The following CYLD variants were observed in gnomAD, a reference collection of about 807,000 sequenced individuals.
The protein encoded by CYLD is ubiquitin carboxyl-terminal hydrolase CYLD.
CYLD carries 26 observed loss-of-function variants against 104.5 expected under a neutral mutation model. The observed-to-expected ratio is 0.25, with a 90% CI of 0.18 to 0.35. The LOEUF (loss-of-function observed/expected upper bound fraction) is 0.35. Ranked by LOEUF, CYLD falls within the 10% of genes least tolerant of loss-of-function variation. The probability of loss-of-function intolerance (pLI) is 1.00; values close to 1 mark genes in which losing one functional copy is unlikely to be tolerated. For synonymous variants in CYLD, 385 were observed against 399.9 expected (o/e 0.96, Z 0.45); for missense variants, 703 against 1,136.1 (o/e 0.62, Z 5.48).
At chr16:50,754,532 A>C in intron 5 of CYLD, 108 bp downstream of exon 5, 1 of 765,024 alleles carries the variant, frequency 1.3e-6, no homozygotes. Flanking sequence ...GGTTACATGG[A>C]TAAGTTCTTT....
intron 3 of CYLD, among the ~76,000 whole-genome samples, chr16:50,750,431 G>A (rs542203945): frequency 6.6e-6 from 1 of 152,198 alleles, no homozygotes; most frequent in African/African-American, 2.4e-5. Context: ...AATCACCTTG[G>A]CGTTTATTTC....
In CYLD at chr16:50,794,501, G is replaced by T. The variant is rs768110483; in HGVS notation, c.2686+73G>T. The T allele has an allele frequency of 1.0e-5, 14 of 1,357,030 alleles. No homozygotes were observed. Among genetic ancestry groups the T allele is most frequent in the Non-Finnish European group, 1.5e-5 (14 of 948,762 alleles). The allele number at this position is 1,357,030 out of a possible 1,614,324, so 84.1% of individuals were successfully genotyped here. ...TAGTGGGACAGTTTGTAGTGGGATC[G>T]CCTGTTCTGAGTGATATTTTCTGAG... On this transcript the variant is annotated intron_variant, in intron 18 of 18. Coordinates refer to ENST00000427738, the MANE Select transcript of CYLD (RefSeq NM_001378743.1). The surrounding 1 kb of genome is among the most constrained non-coding windows in gnomAD (Gnocchi z 4.1).
At position 50,777,903 on chromosome 16, in the gene CYLD, C is replaced by T; in HGVS notation, c.1100C>T (p.Pro367Leu). Residue 367 changes from proline (P) to leucine (L), a missense_variant, in exon 8 of 19, where the codon CCA becomes CTA. Physicochemically the swap from Pro to Leu is moderately conservative, Grantham distance 98. Coordinates refer to ENST00000427738, the MANE Select transcript of CYLD (RefSeq NM_001378743.1). ...TLNGSSVDSQ[P>L]QSKSKNTWYI... ...AATGGGTCTTCTGTTGACTCACAACCACAATCCAAATCAAAAAATACATGG... is the reference window on the plus strand; with the variant it reads ...AATGGGTCTTCTGTTGACTCACAACTACAATCCAAATCAAAAAATACATGG... 6.2e-7 allele frequency: 1 copy of T among 1,603,338 alleles called. No individual in the cohort carries two copies. The highest frequency in any genetic ancestry group is 8.5e-7 in the Non-Finnish European group (1 of 1,170,710).
At position 50,800,247 on chromosome 16, in the gene CYLD, C is replaced by G. The variant is rs16948836; in HGVS notation, c.*3739C>G. ...GCCATGCCTGCTGAATCCGACTGTT[C>G]AGGAAGAGGCCTAGGAAATCTGTGA... On this transcript the variant is annotated 3_prime_UTR_variant, in exon 19 of 19. Transcript: ENST00000427738. 9.0e-3 allele frequency: 2,088 copies of G among 233,224 alleles called. 48 individuals are homozygous for G. The highest frequency in any genetic ancestry group is 0.043 in the African/African-American group (1,944 of 45,432). 14.4% of individuals were successfully genotyped at this position (233,224 alleles called of 1,614,324 possible).
chr16:50,755,280 T>C (rs944554650), intron 5 of CYLD, among the ~76,000 whole-genome samples: 7 of 151,884 alleles, frequency 4.6e-5, no homozygotes, highest in Non-Finnish European at 7.4e-5. Context: ...GACTTGTTCA[T>C]TGATGGGCAT....
intron 5 of CYLD, among the ~76,000 whole-genome samples, chr16:50,769,226 A>G (rs1033422571): frequency 3.9e-5 from 6 of 152,176 alleles, no homozygotes; most frequent in Non-Finnish European, 7.3e-5. Flanking sequence ...TGGTAATATC[A>G]TAGGTGACTG....
rs1420661337 is a variant in CYLD, at chr16:50,776,186, G to T, written c.930G>T (p.Val310=). The T allele has an allele frequency of 6.2e-7, 1 of 1,610,936 alleles. No homozygotes were observed. The highest frequency in any genetic ancestry group is 8.5e-7 in the Non-Finnish European group (1 of 1,177,418). The part of the protein sequence containing the change: ...NDIIPALSES[V]TQERRPPKLA... The stretch of plus-strand genomic sequence containing the variant: ...ACATGCTTACTGTTTCAGAGAGTGT[G>T]ACGCAGGAAAGGAGGCCTCCCAAAC... The change falls in exon 7 of 19, where the codon GTG becomes GTT. Residue 310 remains valine, a synonymous_variant. Coordinates refer to ENST00000427738, the MANE Select transcript of CYLD (RefSeq NM_001378743.1).
chr16:50,782,458 C>G lies in CYLD; in HGVS notation c.1818C>G (p.Thr606=). ...GHYNSCYLDS[T]LFCLFAFSSV... Reference sequence around the variant, plus strand: ...ACAATTCTTGTTACTTAGACTCAACCTTATTCTGGTAAGTTTAAAAAGAAT... The same window carrying G: ...ACAATTCTTGTTACTTAGACTCAACGTTATTCTGGTAAGTTTAAAAAGAAT... Residue 606 remains threonine, a synonymous_variant, in exon 11 of 19, where the codon ACC becomes ACG. Transcript: ENST00000427738. 2 of 1,613,976 alleles carry G rather than the reference C, an allele frequency of 1.2e-6. No individual in the cohort carries two copies. Among genetic ancestry groups the G allele is most frequent in the Non-Finnish European group, 1.7e-6 (2 of 1,179,910 alleles).
At chr16:50,781,763 A>G (rs1277049481) in intron 10 of CYLD, among the ~76,000 whole-genome samples, 1 of 151,962 alleles carries the variant, frequency 6.6e-6, no homozygotes, top group Non-Finnish European at 1.5e-5. Context: ...TCTTGTTTAC[A>G]GCAGTGAGTG....
intron 5 of CYLD, among the ~76,000 whole-genome samples, chr16:50,767,013 C>G (rs1342605389): frequency 6.6e-6 from 1 of 152,160 alleles, no homozygotes; most frequent in Non-Finnish European, 1.5e-5. Context: ...GAAAGAACTT[C>G]TATTGTGAGT....
intron 15 of CYLD, 81 bp from the exon 16 acceptor site, chr16:50,792,516 A>T (rs1971529429): frequency 1.1e-6 from 1 of 905,188 alleles, no homozygotes; most frequent in East Asian, 2.6e-5. Flanking sequence ...GTTTTGTTTG[A>T]CAGCCATGAC....
At chr16:50,793,454 T>G in intron 16 of CYLD, 92 bp from the exon 17 acceptor site, 1 of 911,060 alleles carries the variant, frequency 1.1e-6, no homozygotes, top group Non-Finnish European at 1.9e-6. Context: ...CATTGTCCTT[T>G]TTAAAGCCTA....
chr16:50,795,955 C>T (rs2151045967), intron 18 of CYLD, among the ~76,000 whole-genome samples: 1 of 151,724 alleles, frequency 6.6e-6, no homozygotes, highest in East Asian at 2.0e-4. Context: ...CCAAATTGGA[C>T]AGTCTTATGG....
intron 8 of CYLD, 68 bp from the exon 9 acceptor site, chr16:50,779,597 A>G (rs991460583): frequency 1.3e-6 from 2 of 1,544,032 alleles, no homozygotes; most frequent in Non-Finnish European, 1.8e-6. Flanking sequence ...CTGTATATAA[A>G]TTTTTAGAAA....
chr16:50,776,728 TG>T (rs1969723128), intron 7 of CYLD, among the ~76,000 whole-genome samples: 2 of 152,216 alleles, frequency 1.3e-5, no homozygotes, highest in African/African-American at 4.8e-5. Flanking sequence ...CCTCACAATA[TG>T]TGTGGAGCTT....
rs540904084 is a variant in CYLD at position 50,745,182 on chromosome 16, A to C, written c.-124+2341A>C. Among the ~76,000 whole-genome samples, 27 of 152,148 alleles carry C rather than the reference A, an allele frequency of 1.8e-4. No homozygotes were observed. The East Asian group carries it at 3.7e-3, about 21-fold the overall frequency. On this transcript the variant is annotated intron_variant, in intron 2 of 18. Transcript: ENST00000427738. ...AAAATAATAAGAGAATACAAGTGAA[A>C]ATTTCTCCCTTCACACTGACCCCTC... is the stretch of plus-strand genomic sequence containing the variant.
intron 5 of CYLD, among the ~76,000 whole-genome samples, chr16:50,759,999 T>C (rs1967718614): frequency 6.6e-6 from 1 of 152,236 alleles, no homozygotes. Context: ...ACAGAAAAAC[T>C]GAAAATTTTA....
Position 50,779,923 on chromosome 16 carries a change from A to G in CYLD, c.1397A>G (p.Asn466Ser). 6.2e-7 allele frequency: 1 copy of G among 1,613,992 alleles called. No individual in the cohort carries two copies. Among genetic ancestry groups the G allele is most frequent in the Non-Finnish European group, 8.5e-7 (1 of 1,179,870 alleles). ...CCACCCTTGGCCATGCCTCCTGGGAACTCACATGGTCTAGAAGTGGGCTCA... is the reference window on the plus strand; with the variant it reads ...CCACCCTTGGCCATGCCTCCTGGGAGCTCACATGGTCTAGAAGTGGGCTCA... ...ESPPLAMPPG[N>S]SHGLEVGSLA... is the part of the protein sequence containing the mutation. Residue 466 changes from asparagine (N) to serine (S), a missense_variant, in exon 9 of 19, where the codon AAC becomes AGC. Asn to Ser is a conservative substitution (Grantham distance 46). Around this residue, in one of 5 missense-constraint regions of CYLD, gnomAD observed 183 missense variants for 212.1 expected, o/e 0.86. Coordinates refer to ENST00000427738, the MANE Select transcript of CYLD (RefSeq NM_001378743.1).
chr16:50,754,579 C>G, intron 5 of CYLD, 155 bp downstream of exon 5: 1 of 624,782 alleles, frequency 1.6e-6, no homozygotes, highest in East Asian at 2.9e-5. Flanking sequence ...ACCCGTCACC[C>G]GAGAAGTATA....
Sources: allele counts gnomAD v4.1 joint callset (sites outside exome capture counted in the v4.1 genomes callset), GRCh38; gene constraint gnomAD v4.1.1; regional missense constraint gnomAD v4.1.1; non-coding constraint Gnocchi (gnomAD v3.1); transcripts MANE v1.5; gene names NCBI Gene and HGNC (gene_info 2026-07-23, HGNC 2026-07-21).